FHIT: variants seen among roughly 807,000 people sequenced by gnomAD.
The protein encoded by FHIT is fragile histidine triad diadenosine triphosphatase.
Under a neutral mutation model 17.9 loss-of-function variants are expected in FHIT, and 19 were observed. The observed-to-expected ratio is 1.06, with a 90% CI of 0.74 to 1.56. The LOEUF (loss-of-function observed/expected upper bound fraction) is 1.56, where lower values mean the gene tolerates loss of function less well. Among genes scored for constraint, FHIT ranks in the 40% most tolerant of loss-of-function variants. The pLI is 0.00. For synonymous variants in FHIT, 81 were observed against 69.7 expected, an observed-to-expected ratio of 1.16 and a Z score of -0.81; for missense variants, 248 against 189.2, an observed-to-expected ratio of 1.31 and a Z score of -1.82.
chr3:60,761,119 T>C (rs1393871682), intron 4 of FHIT, among the ~76,000 whole-genome samples: 2 of 152,128 alleles, frequency 1.3e-5, no homozygotes, highest in Non-Finnish European at 2.9e-5. Flanking sequence ...GACATTAAAA[T>C]TTAAAATGTC....
chr3:60,478,577 GTGA>G (rs913154521), intron 5 of FHIT, among the ~76,000 whole-genome samples: 6 of 152,030 alleles, frequency 3.9e-5, no homozygotes, highest in African/African-American at 1.4e-4. Flanking sequence ...GGTGATGGTG[GTGA>G]TGATGATGAT....
At chr3:60,964,080 G>T (rs1709594653) in intron 3 of FHIT, among the ~76,000 whole-genome samples, 1 of 152,112 alleles carries the variant, frequency 6.6e-6, no homozygotes, top group East Asian at 1.9e-4. Flanking sequence ...CTCTTTGTAG[G>T]TCTCTAAGGG....
chr3:60,578,440 AACACACACACACACACACACACAC>A (rs71748891), intron 4 of FHIT, among the ~76,000 whole-genome samples: 1 of 144,396 alleles, frequency 6.9e-6, no homozygotes, highest in African/African-American at 2.6e-5. Flanking sequence ...CCATCTACAA[AACACACACACACACACACACACAC>A]ACACACACAC....
chr3:60,908,037 A>G (rs1277745861), intron 3 of FHIT, among the ~76,000 whole-genome samples: 1 of 152,222 alleles, frequency 6.6e-6, no homozygotes, highest in Non-Finnish European at 1.5e-5. Context: ...CTTCAAATAA[A>G]TAAGTCTGTT....
intron 5 of FHIT, among the ~76,000 whole-genome samples, chr3:60,309,272 G>A (rs1452334991): frequency 1.3e-5 from 2 of 151,986 alleles, no homozygotes; most frequent in African/African-American, 4.8e-5. Context: ...AAAGTGCTGT[G>A]TAAAAACCTT....
At chr3:60,602,399 T>A (rs540928477) in intron 4 of FHIT, among the ~76,000 whole-genome samples, 1 of 152,036 alleles carries the variant, frequency 6.6e-6, no homozygotes, top group African/African-American at 2.4e-5. Flanking sequence ...AAAGAAAAGG[T>A]GACCCAAGAA....
At chr3:60,613,268 C>T (rs973949085) in intron 4 of FHIT, among the ~76,000 whole-genome samples, 1 of 152,138 alleles carries the variant, frequency 6.6e-6, no homozygotes, top group Non-Finnish European at 1.5e-5. Context: ...TGAGTACAAC[C>T]CTGAGACCTG....
At chr3:60,862,234 G>A (rs979796966) in intron 3 of FHIT, among the ~76,000 whole-genome samples, 16 of 151,782 alleles carry the variant, frequency 1.1e-4, no homozygotes, top group South Asian at 4.2e-4. Flanking sequence ...GCTGGAGTGC[G>A]GCAGTGAGAT....
At chr3:60,783,304 C>T (rs934988974) in intron 4 of FHIT, among the ~76,000 whole-genome samples, 1 of 152,186 alleles carries the variant, frequency 6.6e-6, no homozygotes, top group African/African-American at 2.4e-5. Context: ...AGCCAAGGAA[C>T]ACCAGTGTGG....
intron 5 of FHIT, 90 bp downstream of exon 5, chr3:60,536,770 C>A (rs1240308527): frequency 7.3e-7 from 1 of 1,372,580 alleles, no homozygotes; most frequent in Non-Finnish European, 9.7e-7. Context: ...TTTGGACAGA[C>A]TGGAGGCCAA....
chr3:60,483,388 T>C (rs1335577829), intron 5 of FHIT, among the ~76,000 whole-genome samples: 1 of 152,154 alleles, frequency 6.6e-6, no homozygotes, highest in East Asian at 1.9e-4. Context: ...AAAGAAACTG[T>C]AGGCCAATAT....
chr3:61,067,293 T>A (rs1321995187), intron 2 of FHIT, among the ~76,000 whole-genome samples: 1 of 152,126 alleles, frequency 6.6e-6, no homozygotes, highest in East Asian at 1.9e-4. Flanking sequence ...CCAGAAAAAC[T>A]ATGTACTCAT....
intron 8 of FHIT, among the ~76,000 whole-genome samples, chr3:59,917,497 C>T (rs184830131): frequency 7.2e-5 from 11 of 152,250 alleles, no homozygotes; most frequent in Admixed American, 4.6e-4. Context: ...TATCTAAGGA[C>T]GCATTTGGGT....
chr3:61,249,972 AC>A (rs2040576572), intron 1 of FHIT, among the ~76,000 whole-genome samples: 1 of 148,132 alleles, frequency 6.8e-6, no homozygotes, highest in South Asian at 2.1e-4. Flanking sequence ...ACACACACAC[AC>A]ACACACACAC....
chr3:60,862,161 T>C (rs1335271209), intron 3 of FHIT, among the ~76,000 whole-genome samples: 1 of 151,926 alleles, frequency 6.6e-6, no homozygotes, highest in Non-Finnish European at 1.5e-5. Flanking sequence ...AATAAAAATA[T>C]GGAGTTTTTT....
At chr3:61,066,551 GT>G (rs1219634598) in intron 2 of FHIT, among the ~76,000 whole-genome samples, 2 of 152,154 alleles carry the variant, frequency 1.3e-5, no homozygotes, top group Non-Finnish European at 2.9e-5. Context: ...GGAGGCAAAG[GT>G]TGCAGTGAGC....
intron 5 of FHIT, among the ~76,000 whole-genome samples, chr3:60,373,100 G>A (rs577266323): frequency 6.6e-6 from 1 of 152,264 alleles, no homozygotes; most frequent in South Asian, 2.1e-4. Flanking sequence ...TGGACATACT[G>A]ATGTTAACAC....
chr3:61,048,593 A>G (rs1370439647), intron 2 of FHIT, among the ~76,000 whole-genome samples: 1 of 152,228 alleles, frequency 6.6e-6, no homozygotes, highest in Non-Finnish European at 1.5e-5. Context: ...ATCTAGAACT[A>G]GAAATACCAT....
chr3:61,202,172 C>T (rs1023492883), intron 1 of FHIT, among the ~76,000 whole-genome samples: 3 of 152,040 alleles, frequency 2.0e-5, no homozygotes, highest in Non-Finnish European at 2.9e-5. Flanking sequence ...TCTGCTCAGC[C>T]GCCAACCATC....
Sources: gnomAD v4.1 joint callset for allele counts (sites outside exome capture counted in the v4.1 genomes callset) on GRCh38, gnomAD v4.1.1 for gene constraint, MANE v1.5 for transcripts, NCBI Gene and HGNC (gene_info 2026-07-23, HGNC 2026-07-21) for gene names.